ATRX: variants seen among roughly 807,000 people sequenced by gnomAD.
ATRX encodes the protein ATRX chromatin remodeler.
ATRX carries 12 observed loss-of-function variants against 172.6 expected under a neutral mutation model. The ratio of observed to expected loss-of-function variants is 0.07; its 90% CI spans 0.04 to 0.11. The LOEUF (loss-of-function observed/expected upper bound fraction) is 0.11. ATRX is among the 10% of genes least tolerant of loss of function. The pLI is 1.00. For missense variants in ATRX, 1,368 were observed against 1,767.4 expected, an observed-to-expected ratio of 0.77 and a Z score of 4.05; for synonymous variants, 674 against 594.7, an observed-to-expected ratio of 1.13 and a Z score of -1.94.
intron 2 of ATRX, among the ~76,000 whole-genome samples, chrX:77,705,319 C>T (rs2072757358): frequency 9.0e-6 from 1 of 111,424 alleles, no homozygotes; most frequent in Non-Finnish European, 1.9e-5. Flanking sequence ...AGGTCTACAG[C>T]CATGCTTAGG....
At chrX:77,684,647 G>T (rs1300621651) in intron 8 of ATRX, 54 bp from the exon 9 acceptor site, 4 of 1,090,321 alleles carry the variant, frequency 3.7e-6, no homozygotes, top group Non-Finnish European at 5.0e-6. Flanking sequence ...AAACTGAAAA[G>T]ATATGTAAAA....
Position 77,644,704 on chromosome X carries a change from C to T in ATRX, c.4557+7410G>A, listed in dbSNP as rs146841525. Among the ~76,000 whole-genome samples the T allele has an allele frequency of 0.022, 2,340 of 105,487 alleles. 201 individuals carry two copies. The East Asian group carries it at 0.37, about 17-fold the overall frequency. The allele number at this position is 105,487 out of a possible 115,157, so 91.6% of individuals were successfully genotyped here. A position where few individuals can be genotyped will look rare whatever the true frequency, so the allele number is the denominator to read the frequency against. On this transcript the variant is annotated intron_variant, in intron 15 of 34. Coordinates refer to ENST00000373344, the MANE Select transcript of ATRX (RefSeq NM_000489.6). ...AGATATTAACTGAAATCCTCAAGTC[C>T]GAAGATCAAAAAGGGAAAAAAAAAA...
At chrX:77,673,747 A>C (rs2070736744) in intron 10 of ATRX, among the ~76,000 whole-genome samples, 1 of 110,994 alleles carries the variant, frequency 9.0e-6, no homozygotes, top group Non-Finnish European at 1.9e-5. Flanking sequence ...AGAAAAAGTA[A>C]ATAGTAGTTA....
At chrX:77,688,485 A>G (rs1434808045) in intron 7 of ATRX, among the ~76,000 whole-genome samples, 1 of 111,500 alleles carries the variant, frequency 9.0e-6, no homozygotes, top group Non-Finnish European at 1.9e-5. Flanking sequence ...CTCTCCCTCA[A>G]CTACCAGTAT....
intron 1 of ATRX, among the ~76,000 whole-genome samples, chrX:77,750,908 T>C (rs2075277192): frequency 8.9e-6 from 1 of 112,202 alleles, no homozygotes; most frequent in Admixed American, 9.5e-5. Context: ...ATGTGCCCCA[T>C]TTTCCTTATC....
At chrX:77,748,187 A>G (rs1261136917) in intron 1 of ATRX, among the ~76,000 whole-genome samples, 1 of 112,256 alleles carries the variant, frequency 8.9e-6, no homozygotes, top group East Asian at 2.8e-4. Flanking sequence ...AAACAATATA[A>G]GAAAGTTTTC....
chrX:77,630,631 A>G (rs2068065573), intron 19 of ATRX, among the ~76,000 whole-genome samples: 3 of 112,374 alleles, frequency 2.7e-5, no homozygotes, highest in African/African-American at 9.7e-5. Context: ...AGACTCTTCA[A>G]TGAAGAAAGA....
chrX:77,549,424 T>C (rs1193834935), intron 30 of ATRX, among the ~76,000 whole-genome samples: 1 of 111,865 alleles, frequency 8.9e-6, no homozygotes, highest in Non-Finnish European at 1.9e-5. Context: ...TTTTCATCTC[T>C]GATATCTGTA....
chrX:77,772,466 TC>T (rs1364840104), intron 1 of ATRX, among the ~76,000 whole-genome samples: 1 of 82,824 alleles, frequency 1.2e-5, no homozygotes, highest in East Asian at 3.9e-4. Flanking sequence ...ATCCCTTCTC[TC>T]AAAAAAAAAA....
chrX:77,684,828 C>T lies in ATRX; in HGVS notation c.662+111G>A, dbSNP rs964073312. The T allele has an allele frequency of 6.4e-5, 51 of 800,918 alleles. No homozygotes were observed. In the African/African-American group the frequency reaches 1.0e-3, roughly 16 times the overall value. 66.0% of individuals were successfully genotyped at this position (800,918 alleles called of 1,213,427 possible). A position where few individuals can be genotyped will look rare whatever the true frequency, so the allele number is the denominator to read the frequency against. On this transcript the variant is annotated intron_variant, in intron 8 of 34. Coordinates refer to ENST00000373344, the MANE Select transcript of ATRX (RefSeq NM_000489.6). ...GGTTTTATGGAAAAGAACAACCTTT[C>T]ATTAAAGACATCAATGACGATACTA...
chrX:77,745,045 G>C (rs184238873), intron 1 of ATRX, among the ~76,000 whole-genome samples: 1 of 107,719 alleles, frequency 9.3e-6, no homozygotes, highest in South Asian at 4.2e-4. Context: ...GGTGGTATGC[G>C]CCTATAGTCC....
At position 77,599,720 on chromosome X, in the gene ATRX, T is replaced by C; in HGVS notation, c.5786+12A>G. The C allele has an allele frequency of 8.3e-7, 1 of 1,204,026 alleles. No individual in the cohort carries two copies. Among genetic ancestry groups the C allele is most frequent in the Non-Finnish European group, 1.1e-6 (1 of 888,971 alleles). ...GTCAATACAGGATGGCACGAAAAAG[T>C]ATTCGATTTACTTTGTATAATCATC... On this transcript the variant is annotated intron_variant, in intron 24 of 34. Coordinates refer to ENST00000373344, the MANE Select transcript of ATRX (RefSeq NM_000489.6).
chrX:77,509,735 C>T (rs1436696030), intron 34 of ATRX, among the ~76,000 whole-genome samples: 5 of 111,330 alleles, frequency 4.5e-5, no homozygotes, highest in Non-Finnish European at 7.5e-5. Flanking sequence ...GGAGCATTTA[C>T]ACCAGCCACA....
chrX:77,554,089 G>A (rs782496459), intron 30 of ATRX, among the ~76,000 whole-genome samples: 1 of 111,563 alleles, frequency 9.0e-6, no homozygotes, highest in Admixed American at 9.5e-5. Flanking sequence ...TGAATCATCT[G>A]AGGTCGGGAG....
At chrX:77,686,700 G>A (rs782696721) in intron 7 of ATRX, among the ~76,000 whole-genome samples, 1 of 110,896 alleles carries the variant, frequency 9.0e-6, no homozygotes, top group Non-Finnish European at 1.9e-5. Flanking sequence ...GGGCAACAGA[G>A]TGACACTCCG....
intron 27 of ATRX, among the ~76,000 whole-genome samples, chrX:77,585,818 G>A (rs1192713463): frequency 1.8e-5 from 2 of 110,294 alleles, no homozygotes; most frequent in Non-Finnish European, 1.9e-5. Flanking sequence ...AGCCATAAAA[G>A]AGAAAGATCC....
At chrX:77,783,891 T>G (rs1210225271) in intron 1 of ATRX, among the ~76,000 whole-genome samples, 1 of 112,191 alleles carries the variant, frequency 8.9e-6, no homozygotes, top group Non-Finnish European at 1.9e-5. Context: ...AGGTTTTTCA[T>G]GTAGCTTAAG....
chrX:77,629,469 G>A (rs782529427), intron 19 of ATRX, among the ~76,000 whole-genome samples: 1 of 111,766 alleles, frequency 8.9e-6, no homozygotes, highest in East Asian at 2.8e-4. Flanking sequence ...TGTTATACAT[G>A]ATGGATATTA....
chrX:77,728,442 T>TAA (rs2074148540), intron 1 of ATRX, among the ~76,000 whole-genome samples: 2 of 112,044 alleles, frequency 1.8e-5, no homozygotes, highest in African/African-American at 6.5e-5. Flanking sequence ...GAAAAACACA[T>TAA]TACTTTGCTC....
Sources: allele counts gnomAD v4.1 joint callset (sites outside exome capture counted in the v4.1 genomes callset), GRCh38; gene constraint gnomAD v4.1.1; transcripts MANE v1.5; gene names NCBI Gene and HGNC (gene_info 2026-07-23, HGNC 2026-07-21).